PARP4: variants seen among roughly 807,000 people sequenced by gnomAD.
PARP4 encodes poly(ADP-ribose) polymerase family member 4, also known as protein mono-ADP-ribosyltransferase PARP4.
Under a neutral mutation model 187.7 loss-of-function variants are expected in PARP4, and 120 were observed. That is an observed-to-expected ratio of 0.64 (90% CI 0.55 to 0.74). The LOEUF is 0.74. Among genes scored for constraint, PARP4 ranks in the 30% least tolerant of loss-of-function variants. The pLI, the probability that PARP4 is intolerant of heterozygous loss-of-function variation, is 0.00. For synonymous variants in PARP4, 654 were observed against 740.9 expected, an observed-to-expected ratio of 0.88 and a Z score of 1.90; for missense variants, 1,836 against 2,070.5, an observed-to-expected ratio of 0.89 and a Z score of 2.20.
chr13:24,506,494 G>A (rs971568909), intron 1 of PARP4, among the ~76,000 whole-genome samples: 3 of 152,124 alleles, frequency 2.0e-5, no homozygotes, highest in South Asian at 4.1e-4. Context: ...TTTATAGAGC[G>A]CTGATTGGAC....
intron 24 of PARP4, 54 bp downstream of exon 24, chr13:24,452,352 A>T: frequency 6.9e-7 from 1 of 1,450,520 alleles, no homozygotes; most frequent in Non-Finnish European, 9.4e-7. Flanking sequence ...CTGCAGGGCA[A>T]CAAGACGACC....
At chr13:24,508,351 A>G (rs1226765359) in intron 1 of PARP4, among the ~76,000 whole-genome samples, 2 of 152,232 alleles carry the variant, frequency 1.3e-5, no homozygotes, top group Admixed American at 1.3e-4. Flanking sequence ...TGACCTGTTT[A>G]AAACGTGTTT....
rs371317162 is a variant in PARP4, at chr13:24,470,044, C to T, written c.1915-19G>A. ...CAATGACCTGAAGAAGAAAAAAAAT[C>T]CATACAATTGATGAGACCACATGGA... On this transcript the variant is annotated intron_variant, in intron 15 of 33. Transcript: ENST00000381989. 2 of 1,607,632 alleles carry T rather than the reference C, an allele frequency of 1.2e-6. No homozygotes were observed. The highest frequency in any genetic ancestry group is 2.7e-5 in the African/African-American group (2 of 74,516).
At chr13:24,479,920 G>GC (rs1566011618) in intron 12 of PARP4, among the ~76,000 whole-genome samples, 1 of 152,052 alleles carries the variant, frequency 6.6e-6, no homozygotes, top group African/African-American at 2.4e-5. Context: ...CCTGAAGCCC[G>GC]CGAGACCACG....
chr13:24,496,309 C>A (rs1211096134), intron 6 of PARP4, among the ~76,000 whole-genome samples: 1 of 152,062 alleles, frequency 6.6e-6, no homozygotes, highest in Non-Finnish European at 1.5e-5. Flanking sequence ...CCTTCTTGGA[C>A]ACATTTGACC....
At position 24,469,942 on chromosome 13, in the gene PARP4, A is replaced by AGCG; in HGVS notation, c.1995_1997dup (p.Ala666dup). 2 of 1,613,890 alleles carry AGCG rather than the reference A, an allele frequency of 1.2e-6. No homozygotes were observed. The highest frequency in any genetic ancestry group is 1.3e-5 in the African/African-American group (1 of 75,016). On this transcript the variant is annotated inframe_insertion, in exon 16 of 34. Coordinates refer to ENST00000381989, the MANE Select transcript of PARP4 (RefSeq NM_006437.4). The stretch of plus-strand genomic sequence containing the variant: ...TGATGAAGGCTTCGAAGCCACACAC[A>AGCG]GCGGCCTTGTCATCCAAAGGAAAGA...
intron 28 of PARP4, among the ~76,000 whole-genome samples, chr13:24,443,253 G>C (rs932353971): frequency 1.3e-4 from 19 of 150,370 alleles, no homozygotes; most frequent in Non-Finnish European, 2.7e-4. Flanking sequence ...AGCATGGGGG[G>C]AGTCAGGTGG....
At chr13:24,458,605 A>C (rs971553914) in intron 20 of PARP4, among the ~76,000 whole-genome samples, 5 of 151,994 alleles carry the variant, frequency 3.3e-5, no homozygotes, top group South Asian at 4.1e-4. Context: ...AACAAAAAAA[A>C]CTCATCATAA....
chr13:24,466,520 C>T (rs895777633), intron 17 of PARP4, among the ~76,000 whole-genome samples: 19 of 152,148 alleles, frequency 1.2e-4, no homozygotes, highest in Admixed American at 3.3e-4. Flanking sequence ...ACTGGCTGGG[C>T]GCAGTGGCTC....
chr13:24,423,686 C>CT (rs199940054), intron 33 of PARP4, among the ~76,000 whole-genome samples: 15 of 150,748 alleles, frequency 1.0e-4, no homozygotes, highest in Non-Finnish European at 1.6e-4. Flanking sequence ...TTATGATTTT[C>CT]TTTTTTTTTC....
chr13:24,494,879 C>CTTTTTT (rs139965809), intron 6 of PARP4, among the ~76,000 whole-genome samples, 157 bp from the exon 7 acceptor site: 13,681 of 146,334 alleles, frequency 0.093, 715 homozygotes, highest in Non-Finnish European at 0.11. Flanking sequence ...TTTTCTTTTT[C>CTTTTTT]TTTTTTTTTT....
chr13:24,446,003 G>T (rs2137459782), intron 27 of PARP4, among the ~76,000 whole-genome samples: 1 of 152,286 alleles, frequency 6.6e-6, no homozygotes, highest in Admixed American at 6.5e-5. Context: ...TGGTGTATTT[G>T]GGAAACAGGA....
Position 24,435,100 on chromosome 13 carries a change from T to C in PARP4, c.4041A>G (p.Val1347=), listed in dbSNP as rs1436447062. 1.2e-6 allele frequency: 2 copies of C among 1,614,146 alleles called. No homozygotes were observed. The highest frequency in any genetic ancestry group is 1.7e-6 in the Non-Finnish European group (2 of 1,180,034). Residue 1347 remains valine, a synonymous_variant, in exon 31 of 34, where the codon GTA becomes GTG. Transcript: ENST00000381989. ...ASLSFASYRQ[V]ASFGSAAPPR... ...GAGGAGCAGCTGAACCGAAACTAGC[T>C]ACCTGACGATATGAGGCAAAAGACA...
At chr13:24,475,224 T>C (rs1384633083) in intron 15 of PARP4, among the ~76,000 whole-genome samples, 4 of 152,164 alleles carry the variant, frequency 2.6e-5, no homozygotes, top group African/African-American at 2.4e-5. Flanking sequence ...TGTTTCACTC[T>C]TTCATCATGA....
chr13:24,478,787 C>A (rs1326754148), intron 12 of PARP4, among the ~76,000 whole-genome samples: 2 of 152,206 alleles, frequency 1.3e-5, no homozygotes, highest in East Asian at 3.8e-4. Context: ...TTGTGCTAGG[C>A]AGTGCTCAAA....
intron 27 of PARP4, among the ~76,000 whole-genome samples, chr13:24,444,057 T>G (rs549881095): frequency 3.9e-4 from 60 of 152,392 alleles, no homozygotes; most frequent in Middle Eastern, 6.8e-3. Context: ...TTTAAAAAAT[T>G]GAAAACTTCT....
At chr13:24,468,802 C>T (rs1470857581) in intron 17 of PARP4, among the ~76,000 whole-genome samples, 3 of 152,138 alleles carry the variant, frequency 2.0e-5, no homozygotes, top group Non-Finnish European at 1.5e-5. Context: ...CAATGACAGG[C>T]CTAGCTCTTC....
rs186523100 is a variant in PARP4, at chr13:24,507,169, G to A, written c.-1-3392C>T. On this transcript the variant is annotated intron_variant, in intron 1 of 33. Coordinates refer to ENST00000381989, the MANE Select transcript of PARP4 (RefSeq NM_006437.4). Reference sequence around the variant, plus strand: ...GCCCGCAAGCGCCGCGCACAGCCCCGGTTCCGTCCTGCGCCTGCAAGCTGA... The same window carrying A: ...GCCCGCAAGCGCCGCGCACAGCCCCAGTTCCGTCCTGCGCCTGCAAGCTGA... Among the ~76,000 whole-genome samples, 1,497 of 152,312 alleles carry A rather than the reference G, an allele frequency of 9.8e-3. 14 individuals carry two copies. Among genetic ancestry groups the A allele is most frequent in the Non-Finnish European group, 0.014 (955 of 68,012 alleles).
intron 3 of PARP4, 119 bp from the exon 4 acceptor site, chr13:24,500,501 G>A: frequency 1.9e-6 from 1 of 530,626 alleles, no homozygotes; most frequent in Non-Finnish European, 3.2e-6. Context: ...TTATAATTTT[G>A]GTGATCAAAG....
Sources: allele counts gnomAD v4.1 joint callset (sites outside exome capture counted in the v4.1 genomes callset), GRCh38; gene constraint gnomAD v4.1.1; transcripts MANE v1.5; gene names NCBI Gene and HGNC (gene_info 2026-07-23, HGNC 2026-07-21).